STRN4: variants seen among roughly 807,000 people sequenced by gnomAD.
STRN4 encodes striatin 4, also known as striatin-4.
In STRN4, 27 loss-of-function variants were observed where a neutral mutation model predicts 77.9. The ratio of observed to expected loss-of-function variants is 0.35; its 90% CI spans 0.26 to 0.48. The LOEUF (loss-of-function observed/expected upper bound fraction) is 0.48. STRN4 is among the 20% of genes least tolerant of loss of function. The pLI is 0.99. For missense variants in STRN4, 798 were observed against 1,049.7 expected, an observed-to-expected ratio of 0.76 and a Z score of 3.31; for synonymous variants, 466 against 443.1, an observed-to-expected ratio of 1.05 and a Z score of -0.65.
chr19:46,732,100 C>T (rs958725062), intron 5 of STRN4: 3 of 152,230 alleles, frequency 2.0e-5, no homozygotes, highest in Non-Finnish European at 2.9e-5. Flanking sequence ...CTTTTCCTCT[C>T]CCCTTAGCTG....
Position 46,733,285 on chromosome 19 carries a change from A to G in STRN4, c.540-49T>C. 6.3e-7 allele frequency: 1 copy of G among 1,575,758 alleles called. No homozygotes were observed. Among genetic ancestry groups the G allele is most frequent in the South Asian group, 1.1e-5 (1 of 88,852 alleles). On this transcript the variant is annotated intron_variant, in intron 4 of 17. Transcript: ENST00000263280. This position sits in a 1 kb window ranked among gnomAD's most constrained non-coding sequence, Gnocchi z 4.3. ...GGTCAGACATCCCCTGGGCTTCTTC[A>G]TGTACCACAGGGGCCAATGCAAACC...
intron 11 of STRN4, 123 bp from the exon 12 acceptor site, chr19:46,725,051 T>C: frequency 6.9e-7 from 1 of 1,440,290 alleles, no homozygotes; most frequent in Non-Finnish European, 9.4e-7. Context: ...TGACTGGGGC[T>C]CTGGCCATGC....
chr19:46,727,611 G>C (rs1017759419), intron 8 of STRN4, 65 bp from the exon 9 acceptor site: 1 of 1,357,646 alleles, frequency 7.4e-7, no homozygotes, highest in Non-Finnish European at 1.0e-6. Context: ...GCCAGGGAGA[G>C]AGAGAATGAC....
At position 46,740,549 on chromosome 19, in the gene STRN4, C is replaced by T. The variant is rs549622703; in HGVS notation, c.283-1661G>A. On this transcript the variant is annotated intron_variant, in intron 1 of 17. Coordinates refer to ENST00000263280, the MANE Select transcript of STRN4 (RefSeq NM_013403.3). ...AAGGTGTGAGGAGAGGCAGACCGACCACCGAAGACAAGTCCTGACTTTCCT... is the reference window on the plus strand; with the variant it reads ...AAGGTGTGAGGAGAGGCAGACCGACTACCGAAGACAAGTCCTGACTTTCCT... 5.1e-4 allele frequency among the ~76,000 whole-genome samples: 78 copies of T among 151,978 alleles called. 1 individual carries two copies. Among genetic ancestry groups the T allele is most frequent in the Admixed American group, 2.4e-3 (37 of 15,262 alleles).
Position 46,723,339 on chromosome 19 carries a change from G to A in STRN4, c.1595-55C>T. ...GTGTCAGGGCTGCCAGCTCCTCCCT[G>A]GACAGCCCAGAGCCCCAGCTCTGCC... On this transcript the variant is annotated intron_variant, in intron 12 of 17. Coordinates refer to ENST00000263280, the MANE Select transcript of STRN4 (RefSeq NM_013403.3). This position sits in a 1 kb window ranked among gnomAD's most constrained non-coding sequence, Gnocchi z 5.5. The A allele has an allele frequency of 2.7e-6, 4 of 1,497,972 alleles. No homozygotes were observed. The highest frequency in any genetic ancestry group is 3.6e-6 in the Non-Finnish European group (4 of 1,123,412). The allele number at this position is 1,497,972 out of a possible 1,614,324, so 92.8% of individuals were successfully genotyped here. A position where few individuals can be genotyped will look rare whatever the true frequency, so the allele number is the denominator to read the frequency against.
At position 46,722,492 on chromosome 19, in the gene STRN4, C is replaced by T. The variant is rs191911516; in HGVS notation, c.1907-152G>A. ...AGGGCACTCCGGTCCCCGACCGCAG[C>T]GCTGGTTCTGCACAAGCAGCCCCTG... On this transcript the variant is annotated intron_variant, in intron 14 of 17. Transcript: ENST00000263280. 7.8e-4 allele frequency: 677 copies of T among 862,760 alleles called. 7 individuals carry two copies. The African/African-American group carries it at 1.0e-2, about 13-fold the overall frequency. The allele number at this position is 862,760 out of a possible 1,614,324, so 53.4% of individuals were successfully genotyped here.
intron 4 of STRN4, chr19:46,736,504 TAAA>T (rs34081190): frequency 0.087 from 8,247 of 95,166 alleles, 291 homozygotes; most frequent in East Asian, 0.11. Flanking sequence ...ACAAGGTATC[TAAA>T]AAAAAAAAAA....
chr19:46,743,217 C>T lies in STRN4; in HGVS notation c.282+2932G>A, dbSNP rs2054504525. Among the ~76,000 whole-genome samples, 3 of 152,102 alleles carry T rather than the reference C, an allele frequency of 2.0e-5. No individual in the cohort carries two copies. In the South Asian group the frequency reaches 6.2e-4, roughly 32 times the overall value. Reference sequence around the variant, plus strand: ...AAAGGGACGAAGAGAAGGAACTTTCCTTTTTCACTTACATATATATGTGTA... The same window carrying T: ...AAAGGGACGAAGAGAAGGAACTTTCTTTTTTCACTTACATATATATGTGTA... On this transcript the variant is annotated intron_variant, in intron 1 of 17. Coordinates refer to ENST00000263280, the MANE Select transcript of STRN4 (RefSeq NM_013403.3).
In STRN4 at chr19:46,727,744, A is replaced by G. The variant is rs1269701992; in HGVS notation, c.1153+150T>C. On this transcript the variant is annotated intron_variant, in intron 8 of 17. Coordinates refer to ENST00000263280, the MANE Select transcript of STRN4 (RefSeq NM_013403.3). The stretch of plus-strand genomic sequence containing the variant: ...GCAGGACAGACAAAAAGAGAGGGAG[A>G]CAGACAGACAGACGAACTTTTGGGG... The G allele has an allele frequency of 5.2e-6, 4 of 772,232 alleles. No individual in the cohort carries two copies. The African/African-American group carries it at 7.0e-5, about 14-fold the overall frequency. 47.8% of individuals were successfully genotyped at this position (772,232 alleles called of 1,614,324 possible). A position where few individuals can be genotyped will look rare whatever the true frequency, so the allele number is the denominator to read the frequency against.
intron 12 of STRN4, 140 bp downstream of exon 12, chr19:46,724,667 A>G (rs760213639): frequency 4.0e-5 from 52 of 1,314,726 alleles, no homozygotes; most frequent in Non-Finnish European, 5.3e-5. Flanking sequence ...CGCTGCTCAC[A>G]ACAGAGCAGA....
chr19:46,721,874 G>A, intron 16 of STRN4, 112 bp downstream of exon 16: 2 of 1,160,070 alleles, frequency 1.7e-6, no homozygotes, highest in Non-Finnish European at 2.5e-6. Flanking sequence ...GCCCAGACCA[G>A]CCTCCCCCAG....
chr19:46,725,032 G>T, intron 11 of STRN4, 104 bp from the exon 12 acceptor site: 1 of 1,524,502 alleles, frequency 6.6e-7, no homozygotes. Flanking sequence ...ATGGCCAAAA[G>T]GAATTCAGTG....
intron 7 of STRN4, 24 bp downstream of exon 7, chr19:46,728,594 G>A (rs1172044006): frequency 3.1e-6 from 5 of 1,605,534 alleles, no homozygotes; most frequent in South Asian, 1.1e-5. Flanking sequence ...GCAAGCGGGG[G>A]CTGGCCAGAA....
chr19:46,738,929 C>T lies in STRN4; in HGVS notation c.283-41G>A, dbSNP rs570798743. 1.9e-6 allele frequency: 3 copies of T among 1,556,996 alleles called. No homozygotes were observed. Among genetic ancestry groups the T allele is most frequent in the Admixed American group, 3.3e-5 (2 of 59,944 alleles). On this transcript the variant is annotated intron_variant, in intron 1 of 17. Transcript: ENST00000263280. The surrounding 1 kb of genome is among the most constrained non-coding windows in gnomAD (Gnocchi z 4.5). ...GGAGGCAAAGGGAGATAATGGGGCT[C>T]AGGCTCAATGCCGGTGTGTCTATCA...
In STRN4 at chr19:46,722,889, G is replaced by T; in HGVS notation, c.1827C>A (p.Ser609=). 1 of 1,614,008 alleles carries T rather than the reference G, an allele frequency of 6.2e-7. No homozygotes were observed. The highest frequency in any genetic ancestry group is 8.5e-7 in the Non-Finnish European group (1 of 1,180,038). Residue 609 remains serine (S), a synonymous_variant, in exon 14 of 18, where the codon TCC becomes TCA. Coordinates refer to ENST00000263280, the MANE Select transcript of STRN4 (RefSeq NM_013403.3). ...TSTEPAHIVA[S]FRSGDTVLYD... Reference sequence around the variant, plus strand: ...ACAAGACGGTGTCGCCAGAGCGGAAGGAGGCCACGATGTGGGCAGGCTCGG... The same window carrying T: ...ACAAGACGGTGTCGCCAGAGCGGAATGAGGCCACGATGTGGGCAGGCTCGG...
chr19:46,725,445 C>T (rs1245558826), intron 10 of STRN4, 28 bp downstream of exon 10: 3 of 1,613,624 alleles, frequency 1.9e-6, no homozygotes, highest in African/African-American at 1.3e-5. Context: ...GATGCCCCTG[C>T]CCCCGGCTCT....
intron 14 of STRN4, 119 bp from the exon 15 acceptor site, chr19:46,722,459 G>T: frequency 9.1e-7 from 1 of 1,096,164 alleles, no homozygotes; most frequent in Middle Eastern, 2.0e-4. Flanking sequence ...GTCGAGGGGG[G>T]CTGGGCGAGG....
At chr19:46,735,925 C>T (rs2054351612) in intron 4 of STRN4, among the ~76,000 whole-genome samples, 2 of 151,876 alleles carry the variant, frequency 1.3e-5, no homozygotes, top group African/African-American at 4.8e-5. Context: ...GATCGCACCA[C>T]TGCACTCCAG....
chr19:46,746,041 C>CG, intron 1 of STRN4, 108 bp downstream of exon 1: 5 of 1,184,214 alleles, frequency 4.2e-6, no homozygotes, highest in South Asian at 2.3e-5. Context: ...GCCCCCCCGC[C>CG]GGCCGTCCCG....
Sources: gnomAD v4.1 joint callset for allele counts (sites outside exome capture counted in the v4.1 genomes callset) on GRCh38, gnomAD v4.1.1 for gene constraint, Gnocchi (gnomAD v3.1) non-coding constraint, MANE v1.5 for transcripts, NCBI Gene and HGNC (gene_info 2026-07-23, HGNC 2026-07-21) for gene names.